XPNPEP3: variants seen among roughly 807,000 people sequenced by gnomAD.
XPNPEP3 encodes X-prolyl aminopeptidase 3, also known as xaa-Pro aminopeptidase 3.
In XPNPEP3, 41 loss-of-function variants were observed where a neutral mutation model predicts 60.0. The observed-to-expected ratio is 0.68, with a 90% CI of 0.53 to 0.89. The LOEUF is 0.89. Among genes scored for constraint, XPNPEP3 ranks in the 40% least tolerant of loss-of-function variants. XPNPEP3 has a pLI of 0.00. For synonymous variants in XPNPEP3, 212 were observed against 223.2 expected (o/e 0.95, Z 0.45); for missense variants, 598 against 638.9 (o/e 0.94, Z 0.69).
intron 1 of XPNPEP3, among the ~76,000 whole-genome samples, chr22:40,858,897 A>T (rs1279885250): frequency 1.3e-5 from 2 of 152,228 alleles, no homozygotes; most frequent in Non-Finnish European, 2.9e-5. Flanking sequence ...TGATTCTGTG[A>T]TCAAATACTT....
intron 1 of XPNPEP3, among the ~76,000 whole-genome samples, chr22:40,867,292 A>G (rs1464995235): frequency 6.6e-6 from 1 of 152,134 alleles, no homozygotes; most frequent in African/African-American, 2.4e-5. Context: ...TGACTTCATA[A>G]TCTTTGCTCT....
intron 1 of XPNPEP3, chr22:40,862,777 C>G (rs2057958003): frequency 1.0e-6 from 1 of 984,166 alleles, no homozygotes; most frequent in Admixed American, 6.1e-5. Context: ...TATGTATTCA[C>G]TGTATAATTA....
chr22:40,876,006 C>G (rs1396968604), intron 2 of XPNPEP3, among the ~76,000 whole-genome samples: 5 of 152,070 alleles, frequency 3.3e-5, no homozygotes, highest in Admixed American at 3.3e-4. Context: ...GGCAACAGAG[C>G]AAGACTCTGT....
intron 4 of XPNPEP3, among the ~76,000 whole-genome samples, chr22:40,900,450 CA>C (rs1474733252): frequency 6.6e-6 from 1 of 151,366 alleles, no homozygotes; most frequent in Non-Finnish European, 1.5e-5. Context: ...ATTAAAAATA[CA>C]AAAAATTAGC....
intron 7 of XPNPEP3, among the ~76,000 whole-genome samples, chr22:40,916,219 A>C (rs930734450): frequency 6.6e-6 from 1 of 151,736 alleles, no homozygotes; most frequent in Non-Finnish European, 1.5e-5. Flanking sequence ...TTGAACCGGG[A>C]AAGGGGAGGT....
intron 2 of XPNPEP3, chr22:40,870,465 G>C (rs1194558906): frequency 6.5e-6 from 1 of 154,296 alleles, no homozygotes. Context: ...GGGGGAAAAG[G>C]GATGCCTGTC....
At chr22:40,871,136 G>A (rs572569875) in intron 2 of XPNPEP3, among the ~76,000 whole-genome samples, 2 of 152,334 alleles carry the variant, frequency 1.3e-5, no homozygotes, top group East Asian at 3.9e-4. Context: ...GACAAGATGA[G>A]AGGATCACTT....
At chr22:40,873,109 T>C (rs2058013679) in intron 2 of XPNPEP3, among the ~76,000 whole-genome samples, 1 of 134,310 alleles carries the variant, frequency 7.4e-6, no homozygotes, top group Non-Finnish European at 1.6e-5. Flanking sequence ...TTTTTTTTTT[T>C]TTTTTTTTTT....
intron 4 of XPNPEP3, among the ~76,000 whole-genome samples, chr22:40,889,521 T>C (rs1183702310): frequency 6.6e-6 from 1 of 152,170 alleles, no homozygotes; most frequent in Non-Finnish European, 1.5e-5. Flanking sequence ...CTCAATATCA[T>C]ATAGATAATC....
chr22:40,886,346 G>A lies in XPNPEP3; in HGVS notation c.623G>A (p.Arg208Lys). The change falls in exon 4 of 10, where the codon AGG becomes AAG. Residue 208 changes from arginine to lysine, a missense_variant. Coordinates refer to ENST00000357137, the MANE Select transcript of XPNPEP3 (RefSeq NM_022098.4). The part of the protein sequence containing the change: ...ETNMVWYDWM[R>K]PSHAQLHSDY... ...AACATGGTTTGGTATGACTGGATGAGGCCCTCACATGCACAGCTTCACTCT... is the reference window on the plus strand; with the variant it reads ...AACATGGTTTGGTATGACTGGATGAAGCCCTCACATGCACAGCTTCACTCT... 3.1e-6 allele frequency: 5 copies of A among 1,614,124 alleles called. No individual in the cohort carries two copies. The highest frequency in any genetic ancestry group is 4.2e-6 in the Non-Finnish European group (5 of 1,180,034).
intron 5 of XPNPEP3, 48 bp from the exon 6 acceptor site, chr22:40,909,074 G>A (rs1033651655): frequency 3.3e-6 from 5 of 1,520,740 alleles, no homozygotes; most frequent in African/African-American, 1.4e-5. Flanking sequence ...TTGGGCTGGG[G>A]CAGCCCTACA....
intron 4 of XPNPEP3, among the ~76,000 whole-genome samples, chr22:40,906,090 C>CTGTT (rs34451692): frequency 0.039 from 5,976 of 151,790 alleles, 336 homozygotes; most frequent in African/African-American, 0.13. Flanking sequence ...CGCACCCAGC[C>CTGTT]TGTTTGTTTG....
chr22:40,914,531 ATTTTTTTTTTTT>A (rs560908648), intron 7 of XPNPEP3, among the ~76,000 whole-genome samples: 12 of 67,610 alleles, frequency 1.8e-4, no homozygotes, highest in South Asian at 5.9e-4. Flanking sequence ...ACTAACAAAG[ATTTTTTTTTTTT>A]TTTTTTTTTT....
chr22:40,908,336 A>T (rs1267579932), intron 5 of XPNPEP3, among the ~76,000 whole-genome samples: 2 of 152,202 alleles, frequency 1.3e-5, no homozygotes, highest in African/African-American at 4.8e-5. Flanking sequence ...CCTGGGCAAC[A>T]TACTGAGACC....
intron 2 of XPNPEP3, among the ~76,000 whole-genome samples, chr22:40,877,461 A>G (rs1283579264): frequency 6.6e-6 from 1 of 152,176 alleles, no homozygotes; most frequent in Non-Finnish European, 1.5e-5. Context: ...TCTTTGTTAT[A>G]TCTTCCTTTC....
intron 2 of XPNPEP3, among the ~76,000 whole-genome samples, chr22:40,873,655 T>A (rs1456173239): frequency 6.6e-6 from 1 of 151,828 alleles, no homozygotes; most frequent in East Asian, 2.0e-4. Context: ...GACAGATGTC[T>A]GTAGTCCTAG....
rs777969667 is a variant in XPNPEP3 at position 40,886,460 on chromosome 22, T to A, written c.737T>A (p.Ile246Asn). ...VQQLIQRLRL[I>N]KSPAEIERMQ... ...CAGCTGATACAGCGCCTCCGGCTGA[T>A]CAAGTCTCCTGCAGAAATTGAACGA... The change falls in exon 4 of 10, where the codon ATC (isoleucine) becomes AAC (asparagine). Residue 246 changes from isoleucine to asparagine, a missense_variant. Coordinates refer to ENST00000357137, the MANE Select transcript of XPNPEP3 (RefSeq NM_022098.4). 1 of 1,614,094 alleles carries A rather than the reference T, an allele frequency of 6.2e-7. No homozygotes were observed. The highest frequency in any genetic ancestry group is 1.1e-5 in the South Asian group (1 of 91,080).
chr22:40,902,798 T>G (rs976690301), intron 4 of XPNPEP3, among the ~76,000 whole-genome samples: 111 of 152,190 alleles, frequency 7.3e-4, no homozygotes, highest in African/African-American at 2.5e-3. Context: ...AGCAACTGCA[T>G]TAAAGTTAAA....
At chr22:40,866,464 T>C (rs1469101329) in intron 1 of XPNPEP3, among the ~76,000 whole-genome samples, 2 of 152,126 alleles carry the variant, frequency 1.3e-5, no homozygotes, top group Non-Finnish European at 2.9e-5. Context: ...TGTAATCGTA[T>C]AAGCAGGCAG....
Sources: gnomAD v4.1 joint callset for allele counts (sites outside exome capture counted in the v4.1 genomes callset) on GRCh38, gnomAD v4.1.1 for gene constraint, MANE v1.5 for transcripts, NCBI Gene and HGNC (gene_info 2026-07-23, HGNC 2026-07-21) for gene names.